Variants in MEGF11 observed in about 807,000 individuals in gnomAD.
MEGF11 encodes the protein multiple EGF like domains 11.
Under a neutral mutation model 146.6 loss-of-function variants are expected in MEGF11, and 126 were observed. The ratio of observed to expected loss-of-function variants is 0.86; its 90% CI spans 0.74 to 1.00. The LOEUF is 1.00. Ranked by LOEUF, MEGF11 falls within the 50% of genes least tolerant of loss-of-function variation. The pLI is 0.00. For synonymous variants in MEGF11, 532 were observed against 583.4 expected (o/e 0.91, Z 1.27); for missense variants, 1,509 against 1,521.2 (o/e 0.99, Z 0.13).
At chr15:66,104,934 A>G (rs947082026) in intron 4 of MEGF11, among the ~76,000 whole-genome samples, 3 of 152,128 alleles carry the variant, frequency 2.0e-5, no homozygotes, top group African/African-American at 7.2e-5. Context: ...TTGGGGAGGC[A>G]TCTCAGACAA....
intron 5 of MEGF11, among the ~76,000 whole-genome samples, chr15:66,083,903 G>A (rs2085996565): frequency 6.6e-6 from 1 of 152,152 alleles, no homozygotes; most frequent in Non-Finnish European, 1.5e-5. Context: ...GTGACAAAGT[G>A]AGTTCTTATC....
chr15:66,225,979 C>G lies in MEGF11; in HGVS notation c.-9+27626G>C, dbSNP rs146655586. Among the ~76,000 whole-genome samples, 926 of 152,344 alleles carry G rather than the reference C, an allele frequency of 6.1e-3. 10 individuals are homozygous for G. The highest frequency in any genetic ancestry group is 8.5e-3 in the Non-Finnish European group (575 of 68,040). ...AGCCCCTTATCCACAGTTTTGCTTT[C>G]TGCAGTTTCAGTTACCAACCACAGT... On this transcript the variant is annotated intron_variant, in intron 1 of 25. Transcript: ENST00000395614.
chr15:66,148,161 A>G (rs1337550896), intron 1 of MEGF11, among the ~76,000 whole-genome samples: 1 of 152,184 alleles, frequency 6.6e-6, no homozygotes, highest in Non-Finnish European at 1.5e-5. Flanking sequence ...ATATGATACA[A>G]AGGATACATG....
chr15:66,070,942 G>A (rs72744409), intron 5 of MEGF11, among the ~76,000 whole-genome samples: 1,831 of 152,118 alleles, frequency 0.012, 17 homozygotes, highest in Middle Eastern at 0.027. Context: ...TGGAATCGAG[G>A]AGAAAACTAT....
Position 66,216,241 on chromosome 15 carries a change from G to A in MEGF11, c.-9+37364C>T, listed in dbSNP as rs566666449. The stretch of plus-strand genomic sequence containing the variant: ...GGCCTGGAGGAGTCTTTGGGGGAAG[G>A]ATTCCAGATCCTTCTTGAAATTATG... On this transcript the variant is annotated intron_variant, in intron 1 of 25. Transcript: ENST00000395614. 1.6e-3 allele frequency among the ~76,000 whole-genome samples: 243 copies of A among 152,276 alleles called. 6 individuals are homozygous for A. The highest frequency in any genetic ancestry group is 3.3e-3 in the South Asian group (16 of 4,816).
intron 1 of MEGF11, among the ~76,000 whole-genome samples, chr15:66,183,551 A>AAAAAG (rs1311171397): frequency 1.3e-5 from 2 of 152,004 alleles, no homozygotes; most frequent in African/African-American, 4.8e-5. Context: ...GAAAAAAAAA[A>AAAAAG]AAAAGAAAAC....
At chr15:65,946,191 T>C (rs1450324660) in intron 10 of MEGF11, among the ~76,000 whole-genome samples, 2 of 152,234 alleles carry the variant, frequency 1.3e-5, no homozygotes, top group African/African-American at 4.8e-5. Flanking sequence ...TTACCTACTC[T>C]GTGCCAAACA....
At chr15:65,949,343 A>G (rs1457955882) in intron 10 of MEGF11, among the ~76,000 whole-genome samples, 1 of 152,158 alleles carries the variant, frequency 6.6e-6, no homozygotes, top group African/African-American at 2.4e-5. Flanking sequence ...CCTGGTCAGA[A>G]CAGCTGAGGT....
chr15:65,916,982 G>A, intron 16 of MEGF11, 26 bp from the exon 17 acceptor site: 1 of 1,476,968 alleles, frequency 6.8e-7, no homozygotes, highest in Non-Finnish European at 9.0e-7. Flanking sequence ...AATGCAGAGG[G>A]TGAGGGGAAG....
intron 24 of MEGF11, among the ~76,000 whole-genome samples, chr15:65,902,987 C>T (rs780233338): frequency 3.9e-5 from 6 of 152,314 alleles, no homozygotes; most frequent in Non-Finnish European, 8.8e-5. Flanking sequence ...AAAACCCAGG[C>T]ACCGAATATC....
At chr15:66,056,952 T>A (rs2084698788) in intron 5 of MEGF11, among the ~76,000 whole-genome samples, 1 of 152,282 alleles carries the variant, frequency 6.6e-6, no homozygotes, top group Non-Finnish European at 1.5e-5. Flanking sequence ...TTGCAGTCTA[T>A]AAATTACTGG....
chr15:66,073,316 T>G (rs7170387), intron 5 of MEGF11, among the ~76,000 whole-genome samples: 77,012 of 152,048 alleles, frequency 0.51, 20,701 homozygotes, highest in Non-Finnish European at 0.59. Context: ...GGATGGGCGG[T>G]GGAAGTGGCT....
At chr15:66,104,831 G>A (rs1395769065) in intron 4 of MEGF11, among the ~76,000 whole-genome samples, 6 of 150,156 alleles carry the variant, frequency 4.0e-5, no homozygotes, top group African/African-American at 7.6e-5. Flanking sequence ...AGCCTGAAGC[G>A]GGTGGCTCCC....
intron 1 of MEGF11, among the ~76,000 whole-genome samples, chr15:66,155,103 C>G (rs1006663380): frequency 6.6e-6 from 1 of 152,242 alleles, no homozygotes; most frequent in Non-Finnish European, 1.5e-5. Flanking sequence ...TGAGGCTGCT[C>G]AAGGTCACTG....
At chr15:66,090,567 G>A (rs534328381) in intron 5 of MEGF11, among the ~76,000 whole-genome samples, 1 of 152,304 alleles carries the variant, frequency 6.6e-6, no homozygotes, top group South Asian at 2.1e-4. Flanking sequence ...CCCCCATGGG[G>A]GCATATGTCA....
chr15:65,941,903 C>T (rs1195422829), intron 10 of MEGF11, among the ~76,000 whole-genome samples: 2 of 152,262 alleles, frequency 1.3e-5, no homozygotes, highest in Admixed American at 6.5e-5. Context: ...GGCAGACCCA[C>T]ACATCCCTAG....
At chr15:66,069,519 G>A (rs2085279303) in intron 5 of MEGF11, among the ~76,000 whole-genome samples, 1 of 152,198 alleles carries the variant, frequency 6.6e-6, no homozygotes, top group South Asian at 2.1e-4. Context: ...GAGAGATTGA[G>A]GTAAAGAAGG....
In MEGF11 at chr15:66,186,862, A is replaced by G. The variant is rs530145598; in HGVS notation, c.-8-58451T>C. The stretch of plus-strand genomic sequence containing the variant: ...TTCAGAAAAGTCAAGAAACTTGCCC[A>G]GGGTCACAGAGCTACTGATGGCTGA... On this transcript the variant is annotated intron_variant, in intron 1 of 25. Transcript: ENST00000395614. 3.3e-5 allele frequency among the ~76,000 whole-genome samples: 5 copies of G among 152,370 alleles called. No homozygotes were observed. The South Asian group carries it at 1.0e-3, about 32-fold the overall frequency.
intron 5 of MEGF11, among the ~76,000 whole-genome samples, chr15:65,987,146 C>T (rs889387601): frequency 6.6e-6 from 1 of 152,176 alleles, no homozygotes; most frequent in Non-Finnish European, 1.5e-5. Flanking sequence ...TCTTCTTCAC[C>T]GACAGGCTTT....
Sources: gnomAD v4.1 joint callset for allele counts (sites outside exome capture counted in the v4.1 genomes callset) on GRCh38, gnomAD v4.1.1 for gene constraint, MANE v1.5 for transcripts, NCBI Gene and HGNC (gene_info 2026-07-23, HGNC 2026-07-21) for gene names.